SCGB2A2: variants seen among roughly 807,000 people sequenced by gnomAD.
The protein encoded by SCGB2A2 is mammaglobin-A.
A neutral mutation model predicts 8.8 loss-of-function variants in SCGB2A2; 11 were observed. That is an observed-to-expected ratio of 1.25 (90% CI 0.79 to 2.07). The LOEUF (loss-of-function observed/expected upper bound fraction) is 2.07. Among genes scored for constraint, SCGB2A2 ranks in the 30% most tolerant of loss-of-function variants. The pLI, the probability that SCGB2A2 is intolerant of heterozygous loss-of-function variation, is 0.00. For missense variants in SCGB2A2, 113 were observed against 109.9 expected, an observed-to-expected ratio of 1.03 and a Z score of -0.13; for synonymous variants, 42 against 40.9, an observed-to-expected ratio of 1.03 and a Z score of -0.10.
intron 2 of SCGB2A2, among the ~76,000 whole-genome samples, chr11:62,272,548 T>C (rs1945287717): frequency 6.6e-6 from 1 of 151,804 alleles, no homozygotes; most frequent in African/African-American, 2.4e-5. Context: ...GCAGCTCCAA[T>C]AATTAGTAGA....
At chr11:62,271,500 C>T in intron 2 of SCGB2A2, 1 of 1,211,074 alleles carries the variant, frequency 8.3e-7, no homozygotes, top group Non-Finnish European at 1.0e-6. Context: ...GGCAAAGACA[C>T]AGACACAGAC....
At chr11:62,271,515 A>T (rs1264496623) in intron 2 of SCGB2A2, 2 of 1,199,226 alleles carry the variant, frequency 1.7e-6, no homozygotes, top group Non-Finnish European at 2.1e-6. Flanking sequence ...ACAGACACAG[A>T]CACAATCACA....
At position 62,270,290 on chromosome 11, in the gene SCGB2A2, G is replaced by T. The variant is rs767093829; in HGVS notation, c.55+19G>T. The T allele has an allele frequency of 6.2e-7, 1 of 1,611,870 alleles. No individual in the cohort carries two copies. Among genetic ancestry groups the T allele is most frequent in the Non-Finnish European group, 8.5e-7 (1 of 1,178,562 alleles). ...TACGCAGGTGAGTTCTGTGCAGGGA[G>T]GGCTGCCTCGGGGTTAGGGGTTGTC... On this transcript the variant is annotated intron_variant, in intron 1 of 2. Coordinates refer to ENST00000227918, the MANE Select transcript of SCGB2A2 (RefSeq NM_002411.4).
intron 2 of SCGB2A2, chr11:62,271,272 T>C (rs1243677502): frequency 6.8e-7 from 1 of 1,463,276 alleles, no homozygotes; most frequent in Non-Finnish European, 9.0e-7. Context: ...CAGAGAATCC[T>C]CAGTGGATGA....
At chr11:62,271,927 T>G in intron 2 of SCGB2A2, 2 of 973,846 alleles carry the variant, frequency 2.1e-6, no homozygotes, top group Non-Finnish European at 2.4e-6. Flanking sequence ...GAGGAAGAAT[T>G]GCCTCAAACA....
chr11:62,270,832 C>A, intron 1 of SCGB2A2, 49 bp from the exon 2 acceptor site: 5 of 1,464,498 alleles, frequency 3.4e-6, no homozygotes, highest in Non-Finnish European at 3.8e-6. Flanking sequence ...CTGCCCCAAG[C>A]CTTTCATGCC....
Position 62,273,008 on chromosome 11 carries a change from C to G in SCGB2A2, c.*13C>G. ...TGATTTATTTTAACTTTCTGCAAGACCTTTGGCTCACAGAACTGCAGGGTA... is the reference window on the plus strand; with the variant it reads ...TGATTTATTTTAACTTTCTGCAAGAGCTTTGGCTCACAGAACTGCAGGGTA... On this transcript the variant is annotated 3_prime_UTR_variant, in exon 3 of 3. Transcript: ENST00000227918. 2.5e-6 allele frequency: 4 copies of G among 1,603,408 alleles called. No individual in the cohort carries two copies. Among genetic ancestry groups the G allele is most frequent in the South Asian group, 1.1e-5 (1 of 88,524 alleles).
Position 62,271,067 on chromosome 11 carries a change from T to C in SCGB2A2, c.242T>C (p.Met81Thr), listed in dbSNP as rs372541368. ...DETLSNVEVFMQLIYDSSLCD... is the reference protein window; with the variant it reads ...DETLSNVEVFTQLIYDSSLCD... The stretch of plus-strand genomic sequence containing the variant: ...ACTCTGAGCAATGTTGAGGTGTTTA[T>C]GGTAATTTCATTTTCTTCCTATAAG... The change falls in exon 2 of 3, where the codon ATG becomes ACG. Residue 81 changes from methionine (M) to threonine (T), a missense_variant and splice_region_variant. Coordinates refer to ENST00000227918, the MANE Select transcript of SCGB2A2 (RefSeq NM_002411.4). 8.1e-6 allele frequency: 13 copies of C among 1,614,108 alleles called. No individual in the cohort carries two copies. The highest frequency in any genetic ancestry group is 1.6e-4 in the Middle Eastern group (1 of 6,084).
In SCGB2A2 at chr11:62,272,291, G is replaced by T. The variant is rs533767682; in HGVS notation, c.244-666G>T. 3.3e-5 allele frequency among the ~76,000 whole-genome samples: 5 copies of T among 151,500 alleles called. No individual in the cohort carries two copies. In the South Asian group the frequency reaches 8.3e-4, roughly 25 times the overall value. On this transcript the variant is annotated intron_variant, in intron 2 of 2. Transcript: ENST00000227918. ...AAACAGTGGTTGTCAGGGCTTGGGT[G>T]CAGAGAAGAAGGGGGAGTCATATTT...
intron 1 of SCGB2A2, 66 bp downstream of exon 1, chr11:62,270,337 C>T: frequency 1.4e-6 from 2 of 1,396,368 alleles, no homozygotes; most frequent in East Asian, 2.3e-5. Flanking sequence ...TATGGAAGAA[C>T]TCCTGCTCCC....
chr11:62,272,207 G>C (rs570035874), intron 2 of SCGB2A2: 9 of 162,550 alleles, frequency 5.5e-5, no homozygotes, highest in Non-Finnish European at 7.7e-5. Flanking sequence ...CACAAATGCT[G>C]CATGACCCAT....
At chr11:62,270,314 T>C (rs1185462910) in intron 1 of SCGB2A2, 43 bp downstream of exon 1, 1 of 1,585,184 alleles carries the variant, frequency 6.3e-7, no homozygotes, top group South Asian at 1.1e-5. Context: ...TTAGGGGTTG[T>C]CACTTGGGCC....
intron 1 of SCGB2A2, among the ~76,000 whole-genome samples, chr11:62,270,656 A>G (rs1945270142): frequency 6.6e-6 from 1 of 152,168 alleles, no homozygotes; most frequent in African/African-American, 2.4e-5. Context: ...AAGTTTCATG[A>G]GGTTTAGCTT....
intron 1 of SCGB2A2, 82 bp downstream of exon 1, chr11:62,270,353 C>T: frequency 7.8e-7 from 1 of 1,284,688 alleles, no homozygotes; most frequent in Non-Finnish European, 1.1e-6. Flanking sequence ...CTCCCCAATT[C>T]TCAGCAGAGA....
intron 1 of SCGB2A2, 133 bp downstream of exon 1, chr11:62,270,404 C>T (rs1945267983): frequency 2.5e-6 from 2 of 815,662 alleles, no homozygotes; most frequent in African/African-American, 1.7e-5. Context: ...CAGATCTCAC[C>T]ATGTTGCCCA....
At chr11:62,270,844 T>G (rs993246516) in intron 1 of SCGB2A2, 37 bp from the exon 2 acceptor site, 1 of 1,577,446 alleles carries the variant, frequency 6.3e-7, no homozygotes, top group Non-Finnish European at 8.7e-7. Flanking sequence ...TTTCATGCCT[T>G]CTGTACCAAG....
Position 62,273,125 on chromosome 11 carries a change from C to A in SCGB2A2, c.*130C>A. ...ACTACAAGACAATTGTTGAAACCTG[C>A]TATACATGTTTATTTTAATAAATTG... is the stretch of plus-strand genomic sequence containing the variant. On this transcript the variant is annotated 3_prime_UTR_variant, in exon 3 of 3. Transcript: ENST00000227918. 1 of 587,662 alleles carries A rather than the reference C, an allele frequency of 1.7e-6. No homozygotes were observed. The highest frequency in any genetic ancestry group is 3.0e-5 in the South Asian group (1 of 33,534). The allele number at this position is 587,662 out of a possible 1,614,324, so 36.4% of individuals were successfully genotyped here. A position where few individuals can be genotyped will look rare whatever the true frequency, so the allele number is the denominator to read the frequency against.
At chr11:62,272,251 C>T (rs866177026) in intron 2 of SCGB2A2, among the ~76,000 whole-genome samples, 1 of 94,158 alleles carries the variant, frequency 1.1e-5, no homozygotes, top group South Asian at 5.1e-4. Context: ...GACTCAGAGA[C>T]AGTGAAAAAA....
chr11:62,271,999 G>T (rs1255681418), intron 2 of SCGB2A2: 19 of 533,786 alleles, frequency 3.6e-5, no homozygotes, highest in Non-Finnish European at 4.1e-5. Context: ...GTTTTCTTTA[G>T]CATTTATTCC....
Sources: gnomAD v4.1 joint callset for allele counts (sites outside exome capture counted in the v4.1 genomes callset) on GRCh38, gnomAD v4.1.1 for gene constraint, MANE v1.5 for transcripts, NCBI Gene and HGNC (gene_info 2026-07-23, HGNC 2026-07-21) for gene names.